ALPK1: variants seen among roughly 807,000 people sequenced by gnomAD.
ALPK1 encodes alpha-protein kinase 1.
A neutral mutation model predicts 120.6 loss-of-function variants in ALPK1; 110 were observed. The ratio of observed to expected loss-of-function variants is 0.91; its 90% confidence interval spans 0.78 to 1.07. The LOEUF (loss-of-function observed/expected upper bound fraction) is 1.07, where lower values mean the gene tolerates loss of function less well. ALPK1 is among the 50% of genes least tolerant of loss of function. The pLI is 0.00. For missense variants in ALPK1, 1,498 were observed against 1,483.9 expected (o/e 1.01, Z -0.16); for synonymous variants, 582 against 560.3 (o/e 1.04, Z -0.55).
intron 2 of ALPK1, among the ~76,000 whole-genome samples, chr4:112,324,643 ATATTTT>A (rs1197867949): frequency 6.6e-6 from 1 of 152,060 alleles, no homozygotes; most frequent in African/African-American, 2.4e-5. Flanking sequence ...CTACAGGCTA[ATATTTT>A]TATTTTTATT....
At chr4:112,426,322 T>C (rs1305383530) in intron 7 of ALPK1, 145 bp from the exon 8 acceptor site, 2 of 496,174 alleles carry the variant, frequency 4.0e-6, no homozygotes, top group Admixed American at 7.7e-5. Context: ...CATTGCTGTG[T>C]CAATCTAATC....
intron 1 of ALPK1, among the ~76,000 whole-genome samples, chr4:112,307,907 C>A (rs1443558062): frequency 9.2e-5 from 14 of 152,002 alleles, no homozygotes; most frequent in Non-Finnish European, 1.5e-4. Flanking sequence ...TTCCATGTTT[C>A]GTGCTTCCTT....
At chr4:112,344,257 A>C (rs1730006518) in intron 2 of ALPK1, among the ~76,000 whole-genome samples, 1 of 140,636 alleles carries the variant, frequency 7.1e-6, no homozygotes, top group Non-Finnish European at 1.6e-5. Flanking sequence ...ACTCCCTCGC[A>C]CTTGGAGAAG....
At chr4:112,413,201 C>T (rs1289210037) in intron 5 of ALPK1, among the ~76,000 whole-genome samples, 16 of 152,168 alleles carry the variant, frequency 1.1e-4, no homozygotes, top group Admixed American at 1.0e-3. Flanking sequence ...GTTTGAGCAG[C>T]GCATTCTCTG....
At chr4:112,408,766 G>A (rs981845350) in intron 4 of ALPK1, among the ~76,000 whole-genome samples, 1 of 152,106 alleles carries the variant, frequency 6.6e-6, no homozygotes, top group Non-Finnish European at 1.5e-5. Context: ...CAGCCACTGC[G>A]CTCAGCCAAC....
intron 2 of ALPK1, among the ~76,000 whole-genome samples, chr4:112,321,394 T>C (rs1329774586): frequency 4.6e-5 from 7 of 152,116 alleles, no homozygotes; most frequent in Non-Finnish European, 1.0e-4. Flanking sequence ...TGGGTTTGGG[T>C]TTGGTTTGTT....
At chr4:112,346,677 C>A (rs539303847) in intron 2 of ALPK1, among the ~76,000 whole-genome samples, 25 of 152,334 alleles carry the variant, frequency 1.6e-4, no homozygotes, top group African/African-American at 6.0e-4. Context: ...GAAATGCTTT[C>A]TTAAGTATAT....
rs918948494 is a variant in ALPK1, at chr4:112,385,633, G to A, written c.276+3081G>A. Among the ~76,000 whole-genome samples the A allele has an allele frequency of 3.9e-5, 6 of 152,142 alleles. 1 individual carries two copies. The highest frequency in any genetic ancestry group is 2.6e-4 in the Admixed American group (4 of 15,276). On this transcript the variant is annotated intron_variant, in intron 4 of 15. Coordinates refer to ENST00000650871, the MANE Select transcript of ALPK1 (RefSeq NM_025144.4). ...TAAATATGGAGAACCATAGCACCCT[G>A]TAAGTCAGGCACTCCTAAAATCTAT... is the stretch of plus-strand genomic sequence containing the variant.
chr4:112,337,069 T>C (rs1729650913), intron 2 of ALPK1, among the ~76,000 whole-genome samples: 1 of 152,152 alleles, frequency 6.6e-6, no homozygotes, highest in Non-Finnish European at 1.5e-5. Flanking sequence ...CTGTTTTTAT[T>C]CCTTTTCCCA....
At chr4:112,358,044 T>A in intron 2 of ALPK1, 1 of 597,658 alleles carries the variant, frequency 1.7e-6, no homozygotes, top group South Asian at 1.6e-5. Context: ...AGTAGTGTGA[T>A]CATCACGGGC....
At chr4:112,389,120 C>T (rs1732287357) in intron 4 of ALPK1, among the ~76,000 whole-genome samples, 1 of 151,222 alleles carries the variant, frequency 6.6e-6, no homozygotes, top group Non-Finnish European at 1.5e-5. Flanking sequence ...TCTCGGCTCA[C>T]TGCTGCCTCC....
intron 2 of ALPK1, among the ~76,000 whole-genome samples, chr4:112,354,173 A>G (rs1241042273): frequency 6.6e-6 from 1 of 151,696 alleles, no homozygotes; most frequent in African/African-American, 2.4e-5. Flanking sequence ...CACTTTTTTT[A>G]TGGTGTCATT....
At chr4:112,437,229 A>G (rs545142878) in intron 12 of ALPK1, among the ~76,000 whole-genome samples, 6 of 151,532 alleles carry the variant, frequency 4.0e-5, no homozygotes, top group South Asian at 4.1e-4. Flanking sequence ...AATGGAATTC[A>G]GAGACAATGG....
At chr4:112,352,167 T>C (rs114303961) in intron 2 of ALPK1, among the ~76,000 whole-genome samples, 1,957 of 152,314 alleles carry the variant, frequency 0.013, 48 homozygotes, top group African/African-American at 0.044. Context: ...TTTATTCTTT[T>C]TAATATTTTC....
chr4:112,314,330 T>C lies in ALPK1; in HGVS notation c.-152-1471T>C, dbSNP rs79933711. 1.1e-3 allele frequency among the ~76,000 whole-genome samples: 172 copies of C among 151,956 alleles called. 4 individuals are homozygous for C. The East Asian group carries it at 0.028, about 25-fold the overall frequency. ...TAAAAGTACAGTAAGGGTTCAGGAG[T>C]AGGATCCATAGAGGTCCCAGTGGGA... On this transcript the variant is annotated intron_variant, in intron 1 of 15. Coordinates refer to ENST00000650871, the MANE Select transcript of ALPK1 (RefSeq NM_025144.4).
chr4:112,360,522 G>C (rs1243000511), intron 2 of ALPK1, among the ~76,000 whole-genome samples: 1 of 152,060 alleles, frequency 6.6e-6, no homozygotes, highest in Admixed American at 6.5e-5. Flanking sequence ...AATGAATATG[G>C]GAGTGCAGAA....
intron 5 of ALPK1, among the ~76,000 whole-genome samples, chr4:112,418,452 A>G (rs1287805194): frequency 1.3e-5 from 2 of 152,228 alleles, no homozygotes; most frequent in Non-Finnish European, 2.9e-5. Context: ...ATGAGGAGAC[A>G]GATGCTACAG....
At chr4:112,424,325 T>G (rs1734135019) in intron 6 of ALPK1, among the ~76,000 whole-genome samples, 1 of 152,198 alleles carries the variant, frequency 6.6e-6, no homozygotes, top group Non-Finnish European at 1.5e-5. Context: ...AACAGCAGCT[T>G]TTAAACAAAA....
intron 2 of ALPK1, among the ~76,000 whole-genome samples, chr4:112,329,959 T>C (rs1201793964): frequency 6.6e-6 from 1 of 152,226 alleles, no homozygotes; most frequent in African/African-American, 2.4e-5. Context: ...ATTTACTTAC[T>C]TACGTATTTA....
Sources: allele counts gnomAD v4.1 joint callset (sites outside exome capture counted in the v4.1 genomes callset), GRCh38; gene constraint gnomAD v4.1.1; transcripts MANE v1.5; gene names NCBI Gene and HGNC (gene_info 2026-07-23, HGNC 2026-07-21).